The following ICA1L variants were observed in gnomAD, a reference collection of about 807,000 sequenced individuals.
ICA1L encodes islet cell autoantigen 1 like.
Under a neutral mutation model 61.3 loss-of-function variants are expected in ICA1L, and 50 were observed. The ratio of observed to expected loss-of-function variants is 0.82; its 90% CI spans 0.65 to 1.03. ICA1L has a LOEUF of 1.03. ICA1L is among the 50% of genes least tolerant of loss of function. The pLI is 0.00. For missense variants in ICA1L, 508 were observed against 556.7 expected, an observed-to-expected ratio of 0.91 and a Z score of 0.88; for synonymous variants, 161 against 191.3, an observed-to-expected ratio of 0.84 and a Z score of 1.31.
chr2:202,821,451 A>G lies in ICA1L; in HGVS notation c.266T>C (p.Leu89Pro). 6.2e-7 allele frequency: 1 copy of G among 1,612,242 alleles called. No individual in the cohort carries two copies. The highest frequency in any genetic ancestry group is 8.5e-7 in the Non-Finnish European group (1 of 1,179,206). Reference protein sequence around the residue: ...VISEEENELGLFLKFQAERDA... With the variant: ...VISEEENELGPFLKFQAERDA... ...CCGTTCTGCTTGAAATTTTAAAAAG[A>G]GCCCTAGCTCATTTTCTTCCTCTGA... Residue 89 changes from leucine (L) to proline (P), a missense_variant, in exon 4 of 13, where the codon CTC (leucine) becomes CCC (proline). Physicochemically the swap from Leu to Pro is moderately conservative, Grantham distance 98. Transcript: ENST00000358299.
At chr2:202,802,831 G>GT (rs1481350118) in intron 9 of ICA1L, among the ~76,000 whole-genome samples, 1 of 151,986 alleles carries the variant, frequency 6.6e-6, no homozygotes, top group Admixed American at 6.6e-5. Context: ...GAAATAAAAT[G>GT]TATAACTTTC....
At position 202,774,311 on chromosome 2, in the gene ICA1L, G is replaced by A. The variant is rs997871811; in HGVS notation, c.*5222C>T. On this transcript the variant is annotated 3_prime_UTR_variant, in exon 13 of 13. Coordinates refer to ENST00000358299, the MANE Select transcript of ICA1L (RefSeq NM_001288622.3). ...CCTACGGGCGACCGCGGACGGCGGC[G>A]CGCGCGTTCCCCGCAGCGCTGAGGC... is the stretch of plus-strand genomic sequence containing the variant. The A allele has an allele frequency of 8.7e-6, 13 of 1,499,512 alleles. No homozygotes were observed. Among genetic ancestry groups the A allele is most frequent in the African/African-American group, 8.5e-5 (6 of 70,256 alleles). The allele number at this position is 1,499,512 out of a possible 1,614,324, so 92.9% of individuals were successfully genotyped here. A position where few individuals can be genotyped will look rare whatever the true frequency, so the allele number is the denominator to read the frequency against.
intron 12 of ICA1L, among the ~76,000 whole-genome samples, chr2:202,780,963 CATT>C (rs1692384320): frequency 6.6e-6 from 1 of 152,140 alleles, no homozygotes; most frequent in Non-Finnish European, 1.5e-5. Context: ...CACTATTAGT[CATT>C]ATGCCAGAAG....
At chr2:202,817,720 T>C (rs945840409) in intron 5 of ICA1L, among the ~76,000 whole-genome samples, 177 bp from the exon 6 acceptor site, 13 of 152,200 alleles carry the variant, frequency 8.5e-5, no homozygotes, top group African/African-American at 3.1e-4. Flanking sequence ...AAGATTTTGC[T>C]ACTGTTAGTA....
At chr2:202,790,983 AGT>A (rs1692729731) in intron 10 of ICA1L, among the ~76,000 whole-genome samples, 1 of 152,198 alleles carries the variant, frequency 6.6e-6, no homozygotes, top group African/African-American at 2.4e-5. Context: ...TTTGTAACAG[AGT>A]GTAGAGAAAT....
chr2:202,806,734 A>C (rs915463782), intron 9 of ICA1L, among the ~76,000 whole-genome samples: 1 of 152,072 alleles, frequency 6.6e-6, no homozygotes, highest in African/African-American at 2.4e-5. Context: ...GGAGTTTCTC[A>C]ATATTACCTC....
rs1194164634 is a variant in ICA1L at position 202,811,777 on chromosome 2, A to C, written c.879T>G (p.Ser293=). Residue 293 remains serine, a synonymous_variant, in exon 9 of 13, where the codon TCT becomes TCG. Transcript: ENST00000358299. ...LTEQLNKLVL[S]DEEASFESEQ... is the part of the protein sequence containing the mutation. ...CACTCTCAAAGCTTGCTTCCTCATC[A>C]GACAAAACTAGCCTGAAGTAAAAAC... 6.2e-7 allele frequency: 1 copy of C among 1,606,980 alleles called. No homozygotes were observed. The highest frequency in any genetic ancestry group is 1.3e-5 in the African/African-American group (1 of 74,716).
intron 3 of ICA1L, among the ~76,000 whole-genome samples, chr2:202,824,190 T>C (rs568790543): frequency 4.6e-5 from 7 of 152,052 alleles, no homozygotes; most frequent in African/African-American, 1.7e-4. Context: ...ATCACGAGGA[T>C]AGGAGTTCAA....
intron 10 of ICA1L, among the ~76,000 whole-genome samples, chr2:202,789,635 AGAC>A (rs1431923154): frequency 4.6e-5 from 7 of 152,250 alleles, no homozygotes. Context: ...TGCAATAAAA[AGAC>A]AATTCTAAAA....
At chr2:202,808,350 G>A (rs74675536) in intron 9 of ICA1L, among the ~76,000 whole-genome samples, 13,996 of 152,244 alleles carry the variant, frequency 0.092, 759 homozygotes, top group Non-Finnish European at 0.13. Flanking sequence ...ACCTGCTGCA[G>A]GGAGAGACTC....
chr2:202,774,271 C>T lies in ICA1L; in HGVS notation c.*5262G>A. 2 of 1,543,922 alleles carry T rather than the reference C, an allele frequency of 1.3e-6. No individual in the cohort carries two copies. Among genetic ancestry groups the T allele is most frequent in the Admixed American group, 4.0e-5 (2 of 49,580 alleles). On this transcript the variant is annotated 3_prime_UTR_variant, in exon 13 of 13. Coordinates refer to ENST00000358299, the MANE Select transcript of ICA1L (RefSeq NM_001288622.3). ...TCCTGTCGGCCAAAGGCCGTGACCCCGACGCGTGCAGGCACCTACGGGCGA... is the reference window on the plus strand; with the variant it reads ...TCCTGTCGGCCAAAGGCCGTGACCCTGACGCGTGCAGGCACCTACGGGCGA...
At chr2:202,847,695 T>TATATATATATATATATATATATATATATA (rs1694501069) in intron 1 of ICA1L, among the ~76,000 whole-genome samples, 2 of 102,230 alleles carry the variant, frequency 2.0e-5, no homozygotes, top group African/African-American at 8.6e-5. Flanking sequence ...TATATGGGAA[T>TATATATATATATATATATATATATATATA]TATATATATA....
At chr2:202,781,467 G>C (rs1692402492) in intron 12 of ICA1L, among the ~76,000 whole-genome samples, 1 of 151,692 alleles carries the variant, frequency 6.6e-6, no homozygotes, top group South Asian at 2.1e-4. Context: ...CCAGCTACTT[G>C]GAAGGCTGAG....
chr2:202,840,419 G>T, intron 1 of ICA1L: 3 of 490,344 alleles, frequency 6.1e-6, no homozygotes, highest in Non-Finnish European at 8.1e-6. Flanking sequence ...GGTGAAGCTG[G>T]TGTGGCTGAA....
At position 202,775,370 on chromosome 2, in the gene ICA1L, A is replaced by G. The variant is rs1389547329; in HGVS notation, c.*4163T>C. Reference sequence around the variant, plus strand: ...CCTTCAATAAGTCAGGTTACATACTATGGCTTATATTTAATTGTTTGTGTC... The same window carrying G: ...CCTTCAATAAGTCAGGTTACATACTGTGGCTTATATTTAATTGTTTGTGTC... On this transcript the variant is annotated 3_prime_UTR_variant, in exon 13 of 13. Coordinates refer to ENST00000358299, the MANE Select transcript of ICA1L (RefSeq NM_001288622.3). The G allele has an allele frequency of 1.3e-5, 2 of 152,130 alleles. No homozygotes were observed. The highest frequency in any genetic ancestry group is 4.8e-5 in the African/African-American group (2 of 41,426). The allele number at this position is 152,130 out of a possible 1,614,324, so 9.4% of individuals were successfully genotyped here. A position where few individuals can be genotyped will look rare whatever the true frequency, so the allele number is the denominator to read the frequency against.
rs62194157 is a variant in ICA1L, at chr2:202,776,419, T to C, written c.*3114A>G. 0.13 allele frequency: 20,356 copies of C among 152,184 alleles called. 2,178 individuals are homozygous for C. The highest frequency in any genetic ancestry group is 0.53 in the East Asian group (2,751 of 5,174). The allele number at this position is 152,184 out of a possible 1,614,324, so 9.4% of individuals were successfully genotyped here. A position where few individuals can be genotyped will look rare whatever the true frequency, so the allele number is the denominator to read the frequency against. Reference sequence around the variant, plus strand: ...TCTATTTTGAGGGTTGTTCTCAGCCTACCATTGGTTAAGGATAATTAATTT... The same window carrying C: ...TCTATTTTGAGGGTTGTTCTCAGCCCACCATTGGTTAAGGATAATTAATTT... On this transcript the variant is annotated 3_prime_UTR_variant, in exon 13 of 13. Coordinates refer to ENST00000358299, the MANE Select transcript of ICA1L (RefSeq NM_001288622.3).
At chr2:202,840,327 C>T in intron 1 of ICA1L, 1 of 474,420 alleles carries the variant, frequency 2.1e-6, no homozygotes, top group Admixed American at 2.3e-5. Flanking sequence ...GCTGCTGCAG[C>T]TGTTCACTTG....
At chr2:202,806,524 T>C (rs1693230983) in intron 9 of ICA1L, among the ~76,000 whole-genome samples, 1 of 151,742 alleles carries the variant, frequency 6.6e-6, no homozygotes. Flanking sequence ...CACACACCTA[T>C]AGTCCCAGCT....
rs778496246 is a variant in ICA1L, at chr2:202,776,353, CAT to C, written c.*3178_*3179del. On this transcript the variant is annotated 3_prime_UTR_variant, in exon 13 of 13. Coordinates refer to ENST00000358299, the MANE Select transcript of ICA1L (RefSeq NM_001288622.3). ...TAAAACACATTTTTATCCAGTATAA[CAT>C]AAAGTATAGATATTTCTCCCCATTT... is the stretch of plus-strand genomic sequence containing the variant. The C allele has an allele frequency of 1.3e-5, 2 of 151,730 alleles. No homozygotes were observed. The highest frequency in any genetic ancestry group is 1.9e-4 in the East Asian group (1 of 5,194). The allele number at this position is 151,730 out of a possible 1,614,324, so 9.4% of individuals were successfully genotyped here.
Sources: allele counts gnomAD v4.1 joint callset (sites outside exome capture counted in the v4.1 genomes callset), GRCh38; gene constraint gnomAD v4.1.1; transcripts MANE v1.5; gene names NCBI Gene and HGNC (gene_info 2026-07-23, HGNC 2026-07-21).